Variants in FRYL observed in about 807,000 individuals in gnomAD.
FRYL encodes the protein FRY like transcription coactivator.
In FRYL, 150 loss-of-function variants were observed where a neutral mutation model predicts 351.2. The ratio of observed to expected loss-of-function variants is 0.43; its 90% CI spans 0.37 to 0.49. The LOEUF is 0.49. Ranked by LOEUF, FRYL falls within the 20% of genes least tolerant of loss-of-function variation. The pLI, the probability that FRYL is intolerant of heterozygous loss-of-function variation, is 0.00. For missense variants in FRYL, 3,036 were observed against 3,619.3 expected (o/e 0.84, Z 4.13); for synonymous variants, 1,153 against 1,257.1 (o/e 0.92, Z 1.75).
chr4:48,533,038 C>T (rs184688261), intron 49 of FRYL, among the ~76,000 whole-genome samples: 3 of 152,062 alleles, frequency 2.0e-5, no homozygotes, highest in Admixed American at 6.6e-5. Context: ...CCACACTGGA[C>T]CCATATTCTA....
At chr4:48,703,118 A>T (rs563695699) in intron 2 of FRYL, among the ~76,000 whole-genome samples, 7 of 152,312 alleles carry the variant, frequency 4.6e-5, no homozygotes, top group Non-Finnish European at 4.4e-5. Flanking sequence ...ATGGGATCTC[A>T]TTCTTCCACA....
Position 48,582,598 on chromosome 4 carries a change from C to T in FRYL, c.1885G>A (p.Val629Ile), listed in dbSNP as rs767392379. ...VYFIVREVTD[V>I]HPTLLDNAVK... ...GCATTATCAAGAAGTGTGGGATGGA[C>T]ATCAGTCACTTCACGAACAATAAAA... Residue 629 changes from valine (V) to isoleucine (I), a missense_variant, in exon 20 of 64, where the codon GTC (valine) becomes ATC (isoleucine). Around this residue, in one of 7 missense-constraint regions of FRYL, gnomAD observed 492 missense variants for 551.5 expected, o/e 0.89. Coordinates refer to ENST00000358350, the MANE Select transcript of FRYL (RefSeq NM_015030.2). 1.2e-6 allele frequency: 2 copies of T among 1,613,896 alleles called. No homozygotes were observed. The highest frequency in any genetic ancestry group is 2.2e-5 in the South Asian group (2 of 91,074).
intron 1 of FRYL, among the ~76,000 whole-genome samples, chr4:48,737,543 A>G (rs528082557): frequency 6.6e-6 from 1 of 152,198 alleles, no homozygotes; most frequent in Non-Finnish European, 1.5e-5. Flanking sequence ...AATTCTACCA[A>G]ACTTTTAAAA....
chr4:48,640,734 C>A (rs548636198), intron 3 of FRYL, among the ~76,000 whole-genome samples: 2 of 152,168 alleles, frequency 1.3e-5, no homozygotes, highest in African/African-American at 4.8e-5. Flanking sequence ...AGAGGGTATG[C>A]GAGAACTCTC....
intron 54 of FRYL, among the ~76,000 whole-genome samples, chr4:48,521,882 A>G (rs551122768): frequency 2.3e-4 from 35 of 152,344 alleles, no homozygotes; most frequent in African/African-American, 7.9e-4. Context: ...CACCAACCAC[A>G]AACCGACAAC....
At position 48,579,258 on chromosome 4, in the gene FRYL, A is replaced by G. The variant is rs780554223; in HGVS notation, c.2260-17T>C. ...CAAAGTAGTCTATATGGAGAGGAAA[A>G]AATTGATTATTACACATTTCAATAA... is the stretch of plus-strand genomic sequence containing the variant. On this transcript the variant is annotated splice_polypyrimidine_tract_variant and intron_variant, in intron 22 of 63. Coordinates refer to ENST00000358350, the MANE Select transcript of FRYL (RefSeq NM_015030.2). 13 of 1,563,658 alleles carry G rather than the reference A, an allele frequency of 8.3e-6. No homozygotes were observed. The Admixed American group carries it at 1.2e-4, about 15-fold the overall frequency.
intron 3 of FRYL, among the ~76,000 whole-genome samples, chr4:48,649,968 AT>A (rs1372225822): frequency 2.0e-5 from 3 of 152,036 alleles, no homozygotes; most frequent in East Asian, 1.9e-4. Flanking sequence ...CAACCCATAG[AT>A]TTTTTTCTTT....
chr4:48,716,420 A>G (rs1382722977), intron 1 of FRYL, among the ~76,000 whole-genome samples: 1 of 151,612 alleles, frequency 6.6e-6, no homozygotes, highest in Admixed American at 6.6e-5. Flanking sequence ...AACTCCAACA[A>G]ATTTACAAGA....
intron 55 of FRYL, among the ~76,000 whole-genome samples, chr4:48,517,340 G>A (rs1723850086): frequency 6.6e-6 from 1 of 152,090 alleles, no homozygotes. Flanking sequence ...GCAGTGGATT[G>A]TCATTTTTTC....
intron 7 of FRYL, among the ~76,000 whole-genome samples, chr4:48,611,943 T>G (rs1560713174): frequency 6.6e-6 from 1 of 152,152 alleles, no homozygotes; most frequent in Non-Finnish European, 1.5e-5. Context: ...TATATATTGT[T>G]GCAAAGCAGC....
chr4:48,777,176 A>G (rs1165642508), intron 1 of FRYL, among the ~76,000 whole-genome samples: 1 of 152,248 alleles, frequency 6.6e-6, no homozygotes, highest in Non-Finnish European at 1.5e-5. Flanking sequence ...TTATTGACAC[A>G]TAAAACCTAG....
intron 33 of FRYL, among the ~76,000 whole-genome samples, chr4:48,560,291 A>G (rs1735177541): frequency 6.6e-6 from 1 of 152,238 alleles, no homozygotes; most frequent in African/African-American, 2.4e-5. Flanking sequence ...GTCTTGCCTT[A>G]GAAACAGTGA....
At chr4:48,582,422 A>G (rs1443950401) in intron 20 of FRYL, 75 bp downstream of exon 20, 1 of 891,888 alleles carries the variant, frequency 1.1e-6, no homozygotes, top group Non-Finnish European at 1.8e-6. Context: ...TTGATAAAGT[A>G]AATCTGTATT....
rs1393715809 is a variant in FRYL, at chr4:48,523,935, AC to A, written c.7318-832del. On this transcript the variant is annotated intron_variant, in intron 53 of 63. Coordinates refer to ENST00000358350, the MANE Select transcript of FRYL (RefSeq NM_015030.2). Reference sequence around the variant, plus strand: ...TAAAATCAAGATCACAGCCATCAAAACATAACTGTTGCCAATTTTAAAAGGT... The same window carrying A: ...TAAAATCAAGATCACAGCCATCAAAAATAACTGTTGCCAATTTTAAAAGGT... 1.6e-4 allele frequency among the ~76,000 whole-genome samples: 24 copies of A among 152,330 alleles called. No homozygotes were observed. The Middle Eastern group carries it at 0.017, about 108-fold the overall frequency.
At chr4:48,748,923 G>A (rs1287407731) in intron 1 of FRYL, among the ~76,000 whole-genome samples, 2 of 152,142 alleles carry the variant, frequency 1.3e-5, no homozygotes, top group Admixed American at 6.5e-5. Context: ...AACACAGATT[G>A]GAAGCAAGAG....
rs752508402 is a variant in FRYL, at chr4:48,579,086, G to A, written c.2415C>T (p.Leu805=). The change falls in exon 23 of 64, where the codon CTC becomes CTT. Residue 805 remains leucine, a synonymous_variant. Coordinates refer to ENST00000358350, the MANE Select transcript of FRYL (RefSeq NM_015030.2). ...TQGQDPWIIS[L]SSFLKQENLP... is the part of the protein sequence containing the mutation. Reference sequence around the variant, plus strand: ...GATTTTCTTGCTTTAAAAAACTGGAGAGACTTATAATCCATGGGTCTTGGC... The same window carrying A: ...GATTTTCTTGCTTTAAAAAACTGGAAAGACTTATAATCCATGGGTCTTGGC... The A allele has an allele frequency of 2.5e-6, 4 of 1,614,034 alleles. No individual in the cohort carries two copies. Among genetic ancestry groups the A allele is most frequent in the Non-Finnish European group, 3.4e-6 (4 of 1,179,974 alleles).
chr4:48,724,882 ATGT>A (rs1769910542), intron 1 of FRYL, among the ~76,000 whole-genome samples: 1 of 152,246 alleles, frequency 6.6e-6, no homozygotes, highest in African/African-American at 2.4e-5. Flanking sequence ...TTTTACATCC[ATGT>A]TGAGATGGAA....
intron 1 of FRYL, among the ~76,000 whole-genome samples, chr4:48,766,911 T>C (rs1038925690): frequency 2.7e-5 from 4 of 150,694 alleles, no homozygotes; most frequent in East Asian, 1.9e-4. Context: ...ATAGATTTAA[T>C]GTTTTCAATT....
intron 3 of FRYL, among the ~76,000 whole-genome samples, chr4:48,656,065 A>G (rs908695462): frequency 2.2e-5 from 3 of 135,970 alleles, no homozygotes; most frequent in Admixed American, 7.9e-5. Flanking sequence ...ATAATTATAC[A>G]TTATATAATT....
Sources: allele counts gnomAD v4.1 joint callset (sites outside exome capture counted in the v4.1 genomes callset), GRCh38; gene constraint gnomAD v4.1.1; regional missense constraint gnomAD v4.1.1; transcripts MANE v1.5; gene names NCBI Gene and HGNC (gene_info 2026-07-23, HGNC 2026-07-21).